Variants in PCDH15 observed in about 807,000 individuals in gnomAD.
PCDH15 encodes protocadherin-15.
PCDH15 carries 129 observed loss-of-function variants against 178.5 expected under a neutral mutation model. The observed-to-expected ratio is 0.72, with a 90% confidence interval of 0.63 to 0.84. The LOEUF (loss-of-function observed/expected upper bound fraction) is 0.84, where lower values mean the gene tolerates loss of function less well. PCDH15 is among the 40% of genes least tolerant of loss of function. The probability of loss-of-function intolerance (pLI) is 0.00; values close to 1 mark genes in which losing one functional copy is unlikely to be tolerated. For missense variants in PCDH15, 2,230 were observed against 2,099.9 expected (o/e 1.06, Z -1.21); for synonymous variants, 800 against 732.0 (o/e 1.09, Z -1.50).
intron 2 of PCDH15, among the ~76,000 whole-genome samples, chr10:55,025,983 A>C (rs1840466419): frequency 6.6e-6 from 1 of 152,042 alleles, no homozygotes; most frequent in Non-Finnish European, 1.5e-5. Flanking sequence ...AAGATGAAAA[A>C]AATACCTGGA....
intron 2 of PCDH15, among the ~76,000 whole-genome samples, chr10:55,408,690 A>G (rs1365897005): frequency 2.0e-5 from 3 of 152,008 alleles, no homozygotes; most frequent in African/African-American, 7.2e-5. Flanking sequence ...CACATATGCT[A>G]CTCTACCCCC....
intron 3 of PCDH15, among the ~76,000 whole-genome samples, chr10:54,511,914 A>T (rs549859719): frequency 3.3e-5 from 5 of 152,148 alleles, no homozygotes; most frequent in African/African-American, 1.2e-4. Context: ...TGAACTTTGA[A>T]GCCCAGTTGG....
chr10:54,995,369 A>C (rs555711101), intron 2 of PCDH15, among the ~76,000 whole-genome samples: 22 of 144,636 alleles, frequency 1.5e-4, no homozygotes, highest in African/African-American at 5.5e-4. Flanking sequence ...GAGCGAGACT[A>C]CGACAGAGCG....
chr10:55,333,928 T>G (rs113993707), intron 2 of PCDH15, among the ~76,000 whole-genome samples: 1,732 of 152,050 alleles, frequency 0.011, 36 homozygotes, highest in African/African-American at 0.039. Context: ...AAAGGATTAT[T>G]AGCATCCATG....
At chr10:53,914,182 T>C (rs1419759381) in intron 25 of PCDH15, among the ~76,000 whole-genome samples, 1 of 152,116 alleles carries the variant, frequency 6.6e-6, no homozygotes, top group East Asian at 1.9e-4. Flanking sequence ...TAAACTAGTT[T>C]AACCATTGTG....
At chr10:54,608,288 C>T (rs2092833927) in intron 2 of PCDH15, among the ~76,000 whole-genome samples, 1 of 149,120 alleles carries the variant, frequency 6.7e-6, no homozygotes, top group Non-Finnish European at 1.5e-5. Flanking sequence ...GGCAACATGA[C>T]AAAAACTTAT....
At position 54,381,790 on chromosome 10, in the gene PCDH15, G is replaced by A. The variant is rs568196882; in HGVS notation, c.158-2848C>T. On this transcript the variant is annotated intron_variant, in intron 3 of 37. Coordinates refer to ENST00000644397, the MANE Select transcript of PCDH15 (RefSeq NM_001384140.1). ...TTCCTTTCATCATAATAAAAATGGTGGCAGTTCAGAAAATGGAATTAAATT... is the reference window on the plus strand; with the variant it reads ...TTCCTTTCATCATAATAAAAATGGTAGCAGTTCAGAAAATGGAATTAAATT... 1.6e-3 allele frequency among the ~76,000 whole-genome samples: 241 copies of A among 152,120 alleles called. 1 individual carries two copies. The highest frequency in any genetic ancestry group is 3.0e-3 in the Non-Finnish European group (206 of 67,974).
chr10:54,226,082 A>C (rs2134247157), intron 9 of PCDH15, among the ~76,000 whole-genome samples: 1 of 152,326 alleles, frequency 6.6e-6, no homozygotes, highest in East Asian at 1.9e-4. Context: ...TGATTATGCA[A>C]ATTTGTTGTT....
At chr10:54,315,965 T>G (rs544488480) in intron 8 of PCDH15, among the ~76,000 whole-genome samples, 5 of 106,860 alleles carry the variant, frequency 4.7e-5, no homozygotes, top group African/African-American at 1.6e-4. Context: ...TTTGTTTTTG[T>G]TTTTTGGGTT....
chr10:55,066,139 G>A (rs1230543324), intron 2 of PCDH15, among the ~76,000 whole-genome samples: 3 of 151,278 alleles, frequency 2.0e-5, no homozygotes, highest in South Asian at 2.1e-4. Context: ...TTTAATCGAC[G>A]TATAAGGGTA....
intron 1 of PCDH15, among the ~76,000 whole-genome samples, chr10:54,727,773 A>G (rs1210704090): frequency 2.0e-5 from 3 of 151,578 alleles, no homozygotes; most frequent in Non-Finnish European, 4.4e-5. Context: ...TTTCAAAGAA[A>G]TAAAACAAAC....
At chr10:54,792,697 A>G (rs79824889) in intron 1 of PCDH15, among the ~76,000 whole-genome samples, 5,781 of 151,846 alleles carry the variant, frequency 0.038, 331 homozygotes, top group African/African-American at 0.13. Context: ...TGCTGACTGC[A>G]GATCTAGGGA....
intron 8 of PCDH15, among the ~76,000 whole-genome samples, chr10:54,282,899 A>C (rs949316709): frequency 6.6e-6 from 1 of 152,142 alleles, no homozygotes; most frequent in Non-Finnish European, 1.5e-5. Flanking sequence ...GGGGGGCAGA[A>C]TGTTAAAGAG....
chr10:53,981,239 A>G (rs1426106355), intron 21 of PCDH15, among the ~76,000 whole-genome samples: 5 of 152,188 alleles, frequency 3.3e-5, no homozygotes, highest in Admixed American at 3.3e-4. Flanking sequence ...TATTCAGCAC[A>G]TTTTCTACTT....
chr10:54,034,606 C>T (rs1876322), intron 18 of PCDH15, among the ~76,000 whole-genome samples: 93,458 of 151,612 alleles, frequency 0.62, 30,842 homozygotes, highest in Non-Finnish European at 0.74. Context: ...GTTTCTCTAT[C>T]TACTCCCTGG....
At chr10:55,392,981 G>A (rs1588982329) in intron 2 of PCDH15, among the ~76,000 whole-genome samples, 1 of 36,332 alleles carries the variant, frequency 2.8e-5, no homozygotes, top group Non-Finnish European at 7.7e-5. Flanking sequence ...TAAAGTGTAT[G>A]TGTGTGTGTG....
intron 8 of PCDH15, among the ~76,000 whole-genome samples, chr10:54,241,293 A>T (rs1012785009): frequency 1.3e-5 from 2 of 152,190 alleles, no homozygotes; most frequent in Admixed American, 6.5e-5. Context: ...TTTACTGCCT[A>T]TATTACAGAG....
intron 2 of PCDH15, among the ~76,000 whole-genome samples, chr10:55,108,925 C>T (rs949623696): frequency 6.6e-6 from 1 of 152,130 alleles, no homozygotes; most frequent in African/African-American, 2.4e-5. Flanking sequence ...ACAGCAGTCA[C>T]TACCAAAATG....
intron 1 of PCDH15, among the ~76,000 whole-genome samples, chr10:54,744,972 G>T (rs1435398785): frequency 6.6e-6 from 1 of 151,696 alleles, no homozygotes; most frequent in East Asian, 1.9e-4. Flanking sequence ...AATTGCAAAG[G>T]CCCCCCACCA....
Sources: gnomAD v4.1 joint callset for allele counts (sites outside exome capture counted in the v4.1 genomes callset) on GRCh38, gnomAD v4.1.1 for gene constraint, MANE v1.5 for transcripts, NCBI Gene and HGNC (gene_info 2026-07-23, HGNC 2026-07-21) for gene names.